RUVBL1: variants seen among roughly 807,000 people sequenced by gnomAD.
RUVBL1 encodes the protein RuvB like AAA ATPase 1, also known as ruvB-like 1.
Under a neutral mutation model 52.4 loss-of-function variants are expected in RUVBL1, and 4 were observed. The ratio of observed to expected loss-of-function variants is 0.08; its 90% confidence interval spans 0.04 to 0.17. The LOEUF (loss-of-function observed/expected upper bound fraction) is 0.17, where lower values mean the gene tolerates loss of function less well. RUVBL1 is among the 10% of genes least tolerant of loss of function. The probability of loss-of-function intolerance (pLI) is 1.00; values close to 1 mark genes in which losing one functional copy is unlikely to be tolerated. For synonymous variants in RUVBL1, 217 were observed against 214.4 expected, an observed-to-expected ratio of 1.01 and a Z score of -0.10; for missense variants, 298 against 572.8, an observed-to-expected ratio of 0.52 and a Z score of 4.90.
At chr3:128,100,562 AT>A in intron 6 of RUVBL1, 32 bp downstream of exon 6, 1 of 1,565,256 alleles carries the variant, frequency 6.4e-7, no homozygotes, top group South Asian at 1.2e-5. Context: ...AAAAGGGCTA[AT>A]GTGCCAGATC....
chr3:128,110,177 T>C (rs1365840808), intron 3 of RUVBL1, among the ~76,000 whole-genome samples: 2 of 152,168 alleles, frequency 1.3e-5, no homozygotes, highest in Non-Finnish European at 2.9e-5. Context: ...TCCTAGCTAC[T>C]TGGGAGGCTG....
intron 9 of RUVBL1, 95 bp downstream of exon 9, chr3:128,087,611 G>A (rs1295140973): frequency 1.1e-6 from 1 of 924,870 alleles, no homozygotes; most frequent in Non-Finnish European, 1.7e-6. Flanking sequence ...GTGAATGGCA[G>A]CCAGATCCAA....
intron 1 of RUVBL1, among the ~76,000 whole-genome samples, chr3:128,146,939 A>C (rs1477831581): frequency 1.3e-5 from 2 of 152,274 alleles, no homozygotes; most frequent in Non-Finnish European, 2.9e-5. Flanking sequence ...GAGGAGATAA[A>C]GGCTCACTCC....
intron 2 of RUVBL1, among the ~76,000 whole-genome samples, chr3:128,114,358 T>G (rs1316989433): frequency 5.3e-5 from 8 of 152,172 alleles, no homozygotes; most frequent in African/African-American, 1.9e-4. Flanking sequence ...TTTGAGGTAG[T>G]AAAATCTGGT....
At chr3:128,137,217 A>G (rs1462101193) in intron 1 of RUVBL1, among the ~76,000 whole-genome samples, 1 of 152,220 alleles carries the variant, frequency 6.6e-6, no homozygotes, top group African/African-American at 2.4e-5. Context: ...GAGCAGAATT[A>G]AATAAAATTG....
intron 4 of RUVBL1, among the ~76,000 whole-genome samples, chr3:128,102,476 G>T (rs1943127584): frequency 6.6e-6 from 1 of 152,330 alleles, no homozygotes; most frequent in Admixed American, 6.5e-5. Context: ...GTTTCTCGAG[G>T]TCTTCATGGA....
chr3:128,135,230 A>G (rs1943932159), intron 1 of RUVBL1, among the ~76,000 whole-genome samples: 1 of 152,106 alleles, frequency 6.6e-6, no homozygotes. Context: ...GTGGCATGAC[A>G]TATTGAAAGT....
intron 9 of RUVBL1, among the ~76,000 whole-genome samples, chr3:128,068,354 T>C (rs1461529676): frequency 6.6e-6 from 1 of 152,190 alleles, no homozygotes; most frequent in Non-Finnish European, 1.5e-5. Flanking sequence ...GCAACAGCTG[T>C]GACTGGCAGC....
At chr3:128,153,864 G>A in exon 1 of RUVBL1, 1 of 1,462,454 alleles carries the variant, frequency 6.8e-7, no homozygotes, top group Non-Finnish European at 8.9e-7. Context: ...CAGGGACGCG[G>A]GCGGAGCGAC....
chr3:128,082,826 G>T lies in RUVBL1; in HGVS notation c.1120-252C>A. On this transcript the variant is annotated intron_variant, in intron 9 of 10. Transcript: ENST00000322623. This position sits in a 1 kb window ranked among gnomAD's most constrained non-coding sequence, Gnocchi z 4.7. ...GCTGTATTCAACTGACTCAAGTGTG[G>T]CTGGTGCCCAAGGAGGTATGCAGCT... 2.8e-6 allele frequency: 1 copy of T among 358,928 alleles called. No individual in the cohort carries two copies. Among genetic ancestry groups the T allele is most frequent in the Non-Finnish European group, 5.2e-6 (1 of 193,168 alleles). 22.2% of individuals were successfully genotyped at this position (358,928 alleles called of 1,614,324 possible).
chr3:128,119,532 T>G, intron 1 of RUVBL1, 118 bp from the exon 2 acceptor site: 4 of 729,364 alleles, frequency 5.5e-6, no homozygotes, highest in Non-Finnish European at 8.9e-6. Flanking sequence ...TGAGTGCCAG[T>G]GCACTGCAGT....
intron 1 of RUVBL1, among the ~76,000 whole-genome samples, chr3:128,145,004 C>G (rs1054746340): frequency 7.2e-5 from 11 of 152,178 alleles, no homozygotes; most frequent in African/African-American, 2.4e-4. Flanking sequence ...GAGGGGGGAG[C>G]CTGTCTGGGA....
intron 1 of RUVBL1, among the ~76,000 whole-genome samples, chr3:128,138,618 A>G (rs1943978888): frequency 6.6e-6 from 1 of 152,184 alleles, no homozygotes; most frequent in Non-Finnish European, 1.5e-5. Flanking sequence ...TAAAATGTTC[A>G]TACTACCCAA....
In RUVBL1 at chr3:128,109,442, C is replaced by T. The variant is rs138705059; in HGVS notation, c.361+3446G>A. Among the ~76,000 whole-genome samples the T allele has an allele frequency of 5.0e-3, 757 of 152,174 alleles. 5 individuals are homozygous for T. Among genetic ancestry groups the T allele is most frequent in the Non-Finnish European group, 5.9e-3 (399 of 68,000 alleles). ...TGTAGCCCAAGCTGGAATGCAGTGG[C>T]GCAATGTCACCTCACTACAACCACC... On this transcript the variant is annotated intron_variant, in intron 3 of 10. Coordinates refer to ENST00000322623, the MANE Select transcript of RUVBL1 (RefSeq NM_003707.3).
chr3:128,101,912 C>T (rs1025163379), intron 4 of RUVBL1, among the ~76,000 whole-genome samples: 7 of 152,200 alleles, frequency 4.6e-5, no homozygotes, highest in African/African-American at 1.7e-4. Context: ...GAGAGGGACA[C>T]AGGGGACACG....
At chr3:128,144,851 T>C (rs1264526225) in intron 1 of RUVBL1, among the ~76,000 whole-genome samples, 1 of 152,190 alleles carries the variant, frequency 6.6e-6, no homozygotes, top group Non-Finnish European at 1.5e-5. Flanking sequence ...CTTCCCCCCA[T>C]TCTTGGGGTG....
At chr3:128,089,854 G>C (rs1347569973) in intron 8 of RUVBL1, among the ~76,000 whole-genome samples, 1 of 142,824 alleles carries the variant, frequency 7.0e-6, no homozygotes, top group East Asian at 2.1e-4. Flanking sequence ...AGGTTGCAGT[G>C]AGCCAAGACT....
chr3:128,141,616 A>C (rs1944021911), intron 1 of RUVBL1, among the ~76,000 whole-genome samples: 1 of 151,818 alleles, frequency 6.6e-6, no homozygotes, highest in Non-Finnish European at 1.5e-5. Flanking sequence ...CCTGCCTCAG[A>C]CTCCTGAGTA....
chr3:128,130,404 C>A (rs1001253796), intron 1 of RUVBL1, among the ~76,000 whole-genome samples: 2 of 151,840 alleles, frequency 1.3e-5, no homozygotes, highest in African/African-American at 4.8e-5. Flanking sequence ...AACCAAAAGT[C>A]TCCCTATAAA....
Sources: allele counts gnomAD v4.1 joint callset (sites outside exome capture counted in the v4.1 genomes callset), GRCh38; gene constraint gnomAD v4.1.1; non-coding constraint Gnocchi (gnomAD v3.1); transcripts MANE v1.5; gene names NCBI Gene and HGNC (gene_info 2026-07-23, HGNC 2026-07-21).